Variants in EFL1 observed in about 807,000 individuals in gnomAD.
EFL1 encodes elongation factor like GTPase 1.
EFL1 carries 76 observed loss-of-function variants against 126.7 expected under a neutral mutation model. The observed-to-expected ratio is 0.60, with a 90% CI of 0.50 to 0.73. The LOEUF is 0.73. EFL1 is among the 30% of genes least tolerant of loss of function. EFL1 has a pLI of 0.00. For missense variants in EFL1, 1,128 were observed against 1,343.2 expected (o/e 0.84, Z 2.50); for synonymous variants, 410 against 448.4 (o/e 0.91, Z 1.08).
intron 19 of EFL1, among the ~76,000 whole-genome samples, chr15:82,132,862 G>A (rs995047760): frequency 1.3e-5 from 2 of 152,168 alleles, no homozygotes; most frequent in African/African-American, 4.8e-5. Context: ...CAGTCCCAGA[G>A]ACTCAATTCT....
rs148923490 is a variant in EFL1 at position 82,187,454 on chromosome 15, A to G, written c.1751-23470T>C. Among the ~76,000 whole-genome samples the G allele has an allele frequency of 9.9e-5, 15 of 152,238 alleles. No homozygotes were observed. The East Asian group carries it at 2.9e-3, about 29-fold the overall frequency. On this transcript the variant is annotated intron_variant, in intron 15 of 19. Transcript: ENST00000268206. The stretch of plus-strand genomic sequence containing the variant: ...TTATTTTGAACAATTTTTTATTATT[A>G]ACTTTGAGTTTTAGTTTATTTTGGT...
chr15:82,252,587 G>A (rs2075032258), intron 4 of EFL1, 104 bp downstream of exon 4: 4 of 857,254 alleles, frequency 4.7e-6, no homozygotes, highest in Admixed American at 3.9e-5. Context: ...AATAAAATAC[G>A]TGGAATATAA....
At chr15:82,240,701 T>G (rs746572794) in intron 5 of EFL1, 146 bp from the exon 6 acceptor site, 2 of 901,764 alleles carry the variant, frequency 2.2e-6, no homozygotes, top group Middle Eastern at 3.5e-4. Context: ...TACAGCGGAG[T>G]AGCAAAGAAC....
Position 82,227,678 on chromosome 15 carries a change from G to C in EFL1, c.1070-106C>G. The C allele has an allele frequency of 2.7e-6, 4 of 1,482,898 alleles. No individual in the cohort carries two copies. In the South Asian group the frequency reaches 5.0e-5, roughly 19 times the overall value. The allele number at this position is 1,482,898 out of a possible 1,614,324, so 91.9% of individuals were successfully genotyped here. ...TGAGGTAACAAAGTCTGTCCATACA[G>C]AAAATGCCTGTGCTACAAGGCAACA... On this transcript the variant is annotated intron_variant, in intron 10 of 19. Transcript: ENST00000268206.
chr15:82,262,473 G>T, intron 1 of EFL1, 141 bp downstream of exon 1: 1 of 189,214 alleles, frequency 5.3e-6, no homozygotes, highest in Non-Finnish European at 1.1e-5. Context: ...ACGGGAAGCG[G>T]CACTCCGGGG....
At chr15:82,163,444 G>C (rs912388081) in intron 16 of EFL1, among the ~76,000 whole-genome samples, 1 of 152,188 alleles carries the variant, frequency 6.6e-6, no homozygotes, top group African/African-American at 2.4e-5. Flanking sequence ...AGGAGGCTGA[G>C]GCAGGAGAAT....
intron 19 of EFL1, among the ~76,000 whole-genome samples, chr15:82,134,683 T>A (rs1223682885): frequency 1.3e-5 from 2 of 152,240 alleles, no homozygotes; most frequent in African/African-American, 4.8e-5. Flanking sequence ...CCCCTCAGGG[T>A]AATCTCAGTA....
At chr15:82,174,633 C>A (rs2074174588) in intron 15 of EFL1, among the ~76,000 whole-genome samples, 1 of 152,114 alleles carries the variant, frequency 6.6e-6, no homozygotes, top group African/African-American at 2.4e-5. Flanking sequence ...TCTTGGATTC[C>A]TATCTGATAG....
At chr15:82,245,926 C>A (rs1263600789) in intron 4 of EFL1, among the ~76,000 whole-genome samples, 1 of 145,262 alleles carries the variant, frequency 6.9e-6, no homozygotes, top group Admixed American at 6.8e-5. Flanking sequence ...GAATGAGACT[C>A]TTGTCTTAAA....
At chr15:82,258,999 T>G in intron 3 of EFL1, 89 bp downstream of exon 3, 1 of 1,218,118 alleles carries the variant, frequency 8.2e-7, no homozygotes, top group Non-Finnish European at 1.2e-6. Context: ...TATACCCTTT[T>G]GGATGGCTGA....
chr15:82,155,805 T>C (rs1015808893), intron 17 of EFL1, among the ~76,000 whole-genome samples: 1 of 152,266 alleles, frequency 6.6e-6, no homozygotes, highest in African/African-American at 2.4e-5. Context: ...ACTTTGATTT[T>C]AATTTGCATT....
chr15:82,187,611 G>C (rs2074316829), intron 15 of EFL1, among the ~76,000 whole-genome samples: 1 of 151,880 alleles, frequency 6.6e-6, no homozygotes, highest in Non-Finnish European at 1.5e-5. Context: ...ATTAAACGAA[G>C]CTTATTGTTT....
chr15:82,236,991 AAATT>A (rs927374173), intron 7 of EFL1, among the ~76,000 whole-genome samples: 17 of 152,154 alleles, frequency 1.1e-4, no homozygotes, highest in African/African-American at 3.9e-4. Flanking sequence ...AGAAACACAA[AAATT>A]AGCTGGCAGT....
chr15:82,163,824 A>G (rs1204449969), intron 16 of EFL1, 29 bp downstream of exon 16: 5 of 1,610,936 alleles, frequency 3.1e-6, no homozygotes, highest in Middle Eastern at 1.6e-4. Flanking sequence ...TATAATAAAC[A>G]TATGCTTTTA....
At chr15:82,203,330 T>C (rs2074490375) in intron 15 of EFL1, among the ~76,000 whole-genome samples, 1 of 152,202 alleles carries the variant, frequency 6.6e-6, no homozygotes, top group Admixed American at 6.5e-5. Flanking sequence ...TTATTGCATA[T>C]ATATCTGTTC....
At chr15:82,201,249 T>C (rs1236506305) in intron 15 of EFL1, among the ~76,000 whole-genome samples, 1 of 152,224 alleles carries the variant, frequency 6.6e-6, no homozygotes, top group African/African-American at 2.4e-5. Flanking sequence ...CAGGAATAAT[T>C]AAGTGTGAAG....
Position 82,241,373 on chromosome 15 carries a change from T to C in EFL1, c.275A>G (p.Asp92Gly). The part of the protein sequence containing the change: ...GNEEYLINLI[D>G]SPGHVDFSSE... ...GGAAAAGTCCACGTGTCCTGGAGAGTCTATCAGATTGATCAGGTACTCCTC... is the reference window on the plus strand; with the variant it reads ...GGAAAAGTCCACGTGTCCTGGAGAGCCTATCAGATTGATCAGGTACTCCTC... The change falls in exon 5 of 20, where the codon GAC (aspartate) becomes GGC (glycine). Residue 92 changes from aspartate (D) to glycine (G), a missense_variant. Coordinates refer to ENST00000268206, the MANE Select transcript of EFL1 (RefSeq NM_024580.6). 1 of 1,613,932 alleles carries C rather than the reference T, an allele frequency of 6.2e-7. No individual in the cohort carries two copies. The highest frequency in any genetic ancestry group is 8.5e-7 in the Non-Finnish European group (1 of 1,179,918).
chr15:82,256,951 G>T (rs1345665386), intron 3 of EFL1, among the ~76,000 whole-genome samples: 1 of 152,096 alleles, frequency 6.6e-6, no homozygotes, highest in Non-Finnish European at 1.5e-5. Context: ...CAGACTTTTG[G>T]TATCAAAGTT....
At chr15:82,177,711 T>G (rs2074209536) in intron 15 of EFL1, among the ~76,000 whole-genome samples, 1 of 152,182 alleles carries the variant, frequency 6.6e-6, no homozygotes, top group African/African-American at 2.4e-5. Flanking sequence ...ACTGCTGCCT[T>G]TATTTATTTA....
Sources: gnomAD v4.1 joint callset for allele counts (sites outside exome capture counted in the v4.1 genomes callset) on GRCh38, gnomAD v4.1.1 for gene constraint, MANE v1.5 for transcripts, NCBI Gene and HGNC (gene_info 2026-07-23, HGNC 2026-07-21) for gene names.